ITSN1: variants seen among roughly 807,000 people sequenced by gnomAD.
ITSN1 encodes the protein intersectin 1.
A neutral mutation model predicts 239.8 loss-of-function variants in ITSN1; 58 were observed. The ratio of observed to expected loss-of-function variants is 0.24; its 90% CI spans 0.20 to 0.30. The LOEUF (loss-of-function observed/expected upper bound fraction) is 0.30, where lower values mean the gene tolerates loss of function less well. Ranked by LOEUF, ITSN1 falls within the 10% of genes least tolerant of loss-of-function variation. The pLI is 1.00. For synonymous variants in ITSN1, 780 were observed against 770.8 expected (o/e 1.01, Z -0.20); for missense variants, 1,558 against 2,103.3 (o/e 0.74, Z 5.07).
chr21:33,676,819 G>A (rs1472507613), intron 1 of ITSN1, among the ~76,000 whole-genome samples: 1 of 152,100 alleles, frequency 6.6e-6, no homozygotes, highest in Non-Finnish European at 1.5e-5. Flanking sequence ...ATGGTTTCCA[G>A]CTTCATCCAT....
chr21:33,667,388 A>G lies in ITSN1; in HGVS notation c.-33+24675A>G, dbSNP rs137929122. 9.5e-3 allele frequency among the ~76,000 whole-genome samples: 1,443 copies of G among 152,332 alleles called. 31 individuals are homozygous for G. The highest frequency in any genetic ancestry group is 0.034 in the African/African-American group (1,396 of 41,568). ...GTCTTGGTAAAAAATGTATGTGCCA[A>G]TAATGAAAAAGCATATACGAACTAC... On this transcript the variant is annotated intron_variant, in intron 1 of 39. Transcript: ENST00000381318.
chr21:33,748,602 G>A (rs1242542538), intron 5 of ITSN1, among the ~76,000 whole-genome samples: 1 of 152,060 alleles, frequency 6.6e-6, no homozygotes, highest in Non-Finnish European at 1.5e-5. Flanking sequence ...CACTTTGAGA[G>A]GCTGAGGCAG....
At chr21:33,828,460 T>C (rs879261) in intron 26 of ITSN1, among the ~76,000 whole-genome samples, 73,394 of 152,056 alleles carry the variant, frequency 0.48, 19,109 homozygotes, top group East Asian at 0.7. Flanking sequence ...CAGGTGCTTC[T>C]ATCCTGGTGG....
rs192865699 is a variant in ITSN1, at chr21:33,872,341, C to T, written c.4174-3013C>T. 7.2e-5 allele frequency among the ~76,000 whole-genome samples: 11 copies of T among 152,240 alleles called. No individual in the cohort carries two copies. The East Asian group carries it at 7.7e-4, about 11-fold the overall frequency. On this transcript the variant is annotated intron_variant, in intron 33 of 39. Coordinates refer to ENST00000381318, the MANE Select transcript of ITSN1 (RefSeq NM_003024.3). ...TTTTATGGGAAGGTAACTATTTAGA[C>T]GCATTGTGCTCAATAACGTGCTCAA...
intron 1 of ITSN1, among the ~76,000 whole-genome samples, chr21:33,702,113 T>TAAAG (rs772482560): frequency 0.87 from 124,102 of 142,706 alleles, 52,898 homozygotes; most frequent in Non-Finnish European, 0.91. Flanking sequence ...TTTTTTTTTT[T>TAAAG]TTTTTTTTTT....
At chr21:33,650,633 A>G (rs111429096) in intron 1 of ITSN1, among the ~76,000 whole-genome samples, 6 of 152,352 alleles carry the variant, frequency 3.9e-5, no homozygotes, top group African/African-American at 1.4e-4. Context: ...TTATCTTTCA[A>G]TTTCTGAAGT....
intron 1 of ITSN1, among the ~76,000 whole-genome samples, chr21:33,681,484 G>T (rs2090949892): frequency 6.6e-6 from 1 of 151,956 alleles, no homozygotes; most frequent in Admixed American, 6.5e-5. Flanking sequence ...AGGAGGCAGA[G>T]GTTGCAGTGA....
At chr21:33,746,778 G>T (rs547985200) in intron 5 of ITSN1, among the ~76,000 whole-genome samples, 1 of 152,228 alleles carries the variant, frequency 6.6e-6, no homozygotes, top group Non-Finnish European at 1.5e-5. Flanking sequence ...GGAGGCAGAG[G>T]TTACAGTGAG....
At chr21:33,824,523 G>T (rs2073873108) in intron 25 of ITSN1, among the ~76,000 whole-genome samples, 1 of 152,082 alleles carries the variant, frequency 6.6e-6, no homozygotes, top group African/African-American at 2.4e-5. Flanking sequence ...GAGAGAAAAG[G>T]CTGGCAGGGA....
intron 1 of ITSN1, among the ~76,000 whole-genome samples, chr21:33,713,844 T>TC (rs2092487297): frequency 7.0e-6 from 1 of 143,156 alleles, no homozygotes; most frequent in Non-Finnish European, 1.5e-5. Context: ...TTTTTTTTTT[T>TC]TTTTTTTTGA....
At chr21:33,834,958 A>G (rs2074518414) in intron 28 of ITSN1, among the ~76,000 whole-genome samples, 1 of 152,202 alleles carries the variant, frequency 6.6e-6, no homozygotes, top group African/African-American at 2.4e-5. Context: ...GGAAAAGAAC[A>G]GAGCACAGCA....
At chr21:33,800,885 G>C (rs1330673586) in intron 19 of ITSN1, among the ~76,000 whole-genome samples, 2 of 138,270 alleles carry the variant, frequency 1.4e-5, no homozygotes, top group African/African-American at 2.5e-5. Context: ...TGTGATATTG[G>C]CTCACTGCAA....
intron 3 of ITSN1, 46 bp downstream of exon 3, chr21:33,721,316 G>A: frequency 8.5e-7 from 1 of 1,180,542 alleles, no homozygotes. Flanking sequence ...CAGTAGTGCA[G>A]ATGTCTGTGG....
At chr21:33,761,833 G>A in intron 8 of ITSN1, 90 bp from the exon 9 acceptor site, 1 of 883,722 alleles carries the variant, frequency 1.1e-6, no homozygotes, top group Non-Finnish European at 1.9e-6. Flanking sequence ...ATGAGGTCAT[G>A]GAGTAGTCCA....
At chr21:33,874,449 A>G (rs1471502375) in intron 33 of ITSN1, among the ~76,000 whole-genome samples, 1 of 152,088 alleles carries the variant, frequency 6.6e-6, no homozygotes, top group Non-Finnish European at 1.5e-5. Flanking sequence ...CTGCCCTCCA[A>G]GGGCACCTGT....
intron 34 of ITSN1, among the ~76,000 whole-genome samples, chr21:33,877,825 TTGTGTGTGTGTGTGTGTG>T (rs3835379): frequency 6.8e-6 from 1 of 147,204 alleles, no homozygotes; most frequent in African/African-American, 2.5e-5. Flanking sequence ...TGTTTCTATT[TTGTGTGTGTGTGTGTGTG>T]TGTGTGTGTG....
intron 1 of ITSN1, among the ~76,000 whole-genome samples, chr21:33,709,769 T>C (rs2092358946): frequency 6.6e-6 from 1 of 152,224 alleles, no homozygotes; most frequent in Non-Finnish European, 1.5e-5. Flanking sequence ...TATTGTTTTC[T>C]AGATTCTCTG....
chr21:33,715,542 A>G (rs1336941075), intron 1 of ITSN1, among the ~76,000 whole-genome samples: 1 of 152,216 alleles, frequency 6.6e-6, no homozygotes, highest in Non-Finnish European at 1.5e-5. Context: ...AAGTGAGATA[A>G]AACACACTAA....
chr21:33,725,150 T>G (rs1601853167), intron 4 of ITSN1, among the ~76,000 whole-genome samples: 1 of 103,482 alleles, frequency 9.7e-6, no homozygotes, highest in Non-Finnish European at 1.9e-5. Flanking sequence ...TTTTTTTTTT[T>G]TTGAGATGGA....
Sources: gnomAD v4.1 joint callset for allele counts (sites outside exome capture counted in the v4.1 genomes callset) on GRCh38, gnomAD v4.1.1 for gene constraint, MANE v1.5 for transcripts, NCBI Gene and HGNC (gene_info 2026-07-23, HGNC 2026-07-21) for gene names.